FAAP20: variants seen among roughly 807,000 people sequenced by gnomAD.
The protein encoded by FAAP20 is FA core complex associated protein 20.
A neutral mutation model predicts 16.2 loss-of-function variants in FAAP20; 12 were observed. The ratio of observed to expected loss-of-function variants is 0.74; its 90% CI spans 0.48 to 1.20. The LOEUF (loss-of-function observed/expected upper bound fraction) is 1.20. Ranked by LOEUF, FAAP20 falls within the 50% of genes most tolerant of loss-of-function variation. The probability of loss-of-function intolerance (pLI) is 0.00; values close to 1 mark genes in which losing one functional copy is unlikely to be tolerated. For missense variants in FAAP20, 288 were observed against 245.8 expected (o/e 1.17, Z -1.15); for synonymous variants, 141 against 110.7 (o/e 1.27, Z -1.72).
chr1:2,211,054 T>C (rs1236478556), downstream of FAAP20, among the ~76,000 whole-genome samples: 1 of 152,098 alleles, frequency 6.6e-6, no homozygotes, highest in Non-Finnish European at 1.5e-5. Flanking sequence ...CAGGGTGTTC[T>C]GACAGACTCA....
chr1:2,188,723 T>C (rs747327810), downstream of FAAP20, among the ~76,000 whole-genome samples: 16 of 152,024 alleles, frequency 1.1e-4, no homozygotes, highest in Non-Finnish European at 2.1e-4. Flanking sequence ...ACACCACCGA[T>C]GGTGGAGCGC....
At chr1:2,201,653 C>T (rs577100928), upstream of FAAP20, among the ~76,000 whole-genome samples, 32 of 152,140 alleles carry the variant, frequency 2.1e-4, no homozygotes, top group East Asian at 4.2e-3. Flanking sequence ...ACCTGGGAGG[C>T]GGAGGTTGCA....
chr1:2,190,429 G>A (rs1372479547), intron 3 of FAAP20: 1 of 445,270 alleles, frequency 2.2e-6, no homozygotes, highest in Non-Finnish European at 4.6e-6. Context: ...GCAGGTCAGC[G>A]CCCTGGGCAT....
At position 2,191,755 on chromosome 1, in the gene FAAP20, A is replaced by T. The variant is rs1471664208; in HGVS notation, c.470+1884T>A. 4.5e-6 allele frequency: 4 copies of T among 881,860 alleles called. No individual in the cohort carries two copies. In the East Asian group the frequency reaches 3.6e-4, roughly 80 times the overall value. The allele number at this position is 881,860 out of a possible 1,614,324, so 54.6% of individuals were successfully genotyped here. On this transcript the variant is annotated intron_variant, in intron 3 of 3. Transcript: ENST00000378546. Reference sequence around the variant, plus strand: ...GACACCGTCTCAAAAAAAAAAAAAAATCCCAGTGACCAACCCAGGGCCTCG... The same window carrying T: ...GACACCGTCTCAAAAAAAAAAAAAATTCCCAGTGACCAACCCAGGGCCTCG...
intron 3 of FAAP20, 48 bp from the exon 4 acceptor site, chr1:2,189,829 G>T: frequency 7.1e-7 from 1 of 1,401,630 alleles, no homozygotes; most frequent in Non-Finnish European, 1.0e-6. Context: ...CGGCATGCTG[G>T]CCGCAGAGAG....
chr1:2,194,693 C>A lies in FAAP20; in HGVS notation c.57G>T (p.Ala19=), dbSNP rs905859328. 3 of 1,159,486 alleles carry A rather than the reference C, an allele frequency of 2.6e-6. No homozygotes were observed. Among genetic ancestry groups the A allele is most frequent in the Non-Finnish European group, 3.2e-6 (3 of 943,930 alleles). The allele number at this position is 1,159,486 out of a possible 1,614,324, so 71.8% of individuals were successfully genotyped here. A position where few individuals can be genotyped will look rare whatever the true frequency, so the allele number is the denominator to read the frequency against. The change falls in exon 1 of 4, where the codon GCG becomes GCT. Residue 19 remains alanine, a synonymous_variant. Transcript: ENST00000378546. Reference sequence around the variant, plus strand: ...CGCCCGGCTCCCGGCCTCACCCGCCCGCCGGGCGCGGCCTCCGGCGGCTCA... The same window carrying A: ...CGCCCGGCTCCCGGCCTCACCCGCCAGCCGGGCGCGGCCTCCGGCGGCTCA... ...LGLSRRRPRP[A]GGPSGGRPWF... is the part of the protein sequence containing the mutation.
chr1:2,188,962 G>A (rs1319405546), downstream of FAAP20, among the ~76,000 whole-genome samples: 21 of 142,212 alleles, frequency 1.5e-4, no homozygotes, highest in Admixed American at 1.5e-4. Context: ...CCGAAATCGC[G>A]CCACTGCACT....
rs1688326418 is a variant in FAAP20 at position 2,192,367 on chromosome 1, T to C, written c.470+1272A>G. 5.0e-6 allele frequency: 5 copies of C among 994,948 alleles called. No homozygotes were observed. The Admixed American group carries it at 2.2e-4, about 44-fold the overall frequency. 61.6% of individuals were successfully genotyped at this position (994,948 alleles called of 1,614,324 possible). A position where few individuals can be genotyped will look rare whatever the true frequency, so the allele number is the denominator to read the frequency against. The stretch of plus-strand genomic sequence containing the variant: ...GACACACCAAGGCCTGGACCTGACT[T>C]CATTGACGCCTACTTAGGAAAAATT... On this transcript the variant is annotated intron_variant, in intron 3 of 3. Transcript: ENST00000378546.
chr1:2,203,640 G>A (rs183643616), upstream of FAAP20: 666 of 986,012 alleles, frequency 6.8e-4, 3 homozygotes, highest in Middle Eastern at 9.4e-3. Flanking sequence ...CCTGAGCGGA[G>A]GGAAGATATC....
chr1:2,189,437 G>A (rs941816090), downstream of FAAP20: 3 of 533,738 alleles, frequency 5.6e-6, no homozygotes, highest in South Asian at 2.1e-5. Flanking sequence ...TGTCCACAGT[G>A]GGGGCGCCAG....
chr1:2,192,440 G>T (rs1024684517), intron 3 of FAAP20: 7 of 997,208 alleles, frequency 7.0e-6, no homozygotes, highest in Admixed American at 5.5e-5. Context: ...GCTCAAAATG[G>T]CAAGTTTTTC....
At chr1:2,194,444 G>A (rs954812863) in intron 1 of FAAP20, among the ~76,000 whole-genome samples, 7 of 147,564 alleles carry the variant, frequency 4.7e-5, no homozygotes, top group African/African-American at 1.8e-4. Flanking sequence ...GGGTGCTCAG[G>A]GGAGACGCGA....
chr1:2,192,504 G>A, intron 3 of FAAP20: 2 of 996,770 alleles, frequency 2.0e-6, no homozygotes, highest in South Asian at 4.4e-5. Context: ...TGGAAAAGCA[G>A]GCGATGCAAA....
chr1:2,186,482 G>T (rs1687605408), downstream of FAAP20, among the ~76,000 whole-genome samples: 1 of 142,232 alleles, frequency 7.0e-6, no homozygotes, highest in African/African-American at 2.6e-5. Context: ...CCCGGCCCGA[G>T]ACCCTGGACA....
chr1:2,205,940 C>A (rs955905818), intron 3 of FAAP20, among the ~76,000 whole-genome samples: 5 of 152,266 alleles, frequency 3.3e-5, no homozygotes, highest in African/African-American at 1.2e-4. Flanking sequence ...CATTCCTTTT[C>A]GGTCTGATCT....
At chr1:2,195,239 G>T (rs1347558459), upstream of FAAP20, among the ~76,000 whole-genome samples, 1 of 152,242 alleles carries the variant, frequency 6.6e-6, no homozygotes, top group East Asian at 1.9e-4. Context: ...AACCAGAGGC[G>T]AAGTGACAAA....
downstream of FAAP20, among the ~76,000 whole-genome samples, chr1:2,208,064 C>T (rs1157219023): frequency 6.6e-6 from 1 of 152,154 alleles, no homozygotes; most frequent in Non-Finnish European, 1.5e-5. Flanking sequence ...ACACCAAGGC[C>T]CGTCTTGGAT....
downstream of FAAP20, among the ~76,000 whole-genome samples, chr1:2,208,748 C>G (rs1229601858): frequency 6.6e-6 from 1 of 152,240 alleles, no homozygotes; most frequent in East Asian, 1.9e-4. Context: ...GCCAGGGGCC[C>G]CAGAGGGGTT....
chr1:2,210,940 C>T (rs1034132113), downstream of FAAP20, among the ~76,000 whole-genome samples: 1 of 152,240 alleles, frequency 6.6e-6, no homozygotes, highest in Admixed American at 6.5e-5. Flanking sequence ...GGCTTAGCGA[C>T]TGCTGCCCCT....
Sources: gnomAD v4.1 joint callset for allele counts (sites outside exome capture counted in the v4.1 genomes callset) on GRCh38, gnomAD v4.1.1 for gene constraint, MANE v1.5 for transcripts, NCBI Gene and HGNC (gene_info 2026-07-23, HGNC 2026-07-21) for gene names.